TENM1: variants seen among roughly 807,000 people sequenced by gnomAD.
The protein encoded by TENM1 is teneurin transmembrane protein 1.
TENM1 carries 35 observed loss-of-function variants against 174.8 expected under a neutral mutation model. The ratio of observed to expected loss-of-function variants is 0.20; its 90% CI spans 0.15 to 0.27. The LOEUF (loss-of-function observed/expected upper bound fraction) is 0.27. Among genes scored for constraint, TENM1 ranks in the 10% least tolerant of loss-of-function variants. The pLI is 1.00. For synonymous variants in TENM1, 781 were observed against 798.7 expected, an observed-to-expected ratio of 0.98 and a Z score of 0.37; for missense variants, 1,633 against 2,130.1, an observed-to-expected ratio of 0.77 and a Z score of 4.59.
chrX:125,036,796 G>T, the TENM1 span, among the ~76,000 whole-genome samples: 3,715 of 111,270 alleles, frequency 0.033, 172 homozygotes, highest in African/African-American at 0.12. Flanking sequence ...AAAAGTGACT[G>T]CTTCAGTAGT....
chrX:124,438,689 CT>C (rs960676990), intron 23 of TENM1, among the ~76,000 whole-genome samples: 4 of 111,704 alleles, frequency 3.6e-5, no homozygotes, highest in African/African-American at 1.3e-4. Context: ...TGGCTATTTG[CT>C]TGTGTGCAGA....
At chrX:124,556,769 T>C (rs2048705225) in intron 14 of TENM1, among the ~76,000 whole-genome samples, 1 of 111,832 alleles carries the variant, frequency 8.9e-6, no homozygotes, top group Non-Finnish European at 1.9e-5. Context: ...GATGGACTCA[T>C]CCCTTACAAA....
At chrX:124,669,210 A>G (rs1217423169) in intron 6 of TENM1, among the ~76,000 whole-genome samples, 4 of 111,799 alleles carry the variant, frequency 3.6e-5, no homozygotes, top group Non-Finnish European at 7.5e-5. Flanking sequence ...TATTTTACAG[A>G]TGAGGGCACT....
At chrX:124,831,784 G>A (rs2056293832) in intron 3 of TENM1, among the ~76,000 whole-genome samples, 1 of 110,729 alleles carries the variant, frequency 9.0e-6, no homozygotes, top group African/African-American at 3.3e-5. Context: ...TGAGTATAGT[G>A]TGGACAAAAA....
At chrX:125,196,013 CGAAGGAAGGAAGGAAG>C in the TENM1 span, among the ~76,000 whole-genome samples, 1 of 90,696 alleles carries the variant, frequency 1.1e-5, no homozygotes, top group South Asian at 5.3e-4. Context: ...AAAGAAGGAA[CGAAGGAAGGAAGGAAG>C]GAAGGAAGGA....
At chrX:124,872,468 A>G (rs891900159) in intron 3 of TENM1, among the ~76,000 whole-genome samples, 9 of 112,096 alleles carry the variant, frequency 8.0e-5, no homozygotes, top group African/African-American at 2.6e-4. Flanking sequence ...AAACATCAAA[A>G]TAAATGAAAA....
chrX:124,609,063 C>A (rs191332696), intron 11 of TENM1, among the ~76,000 whole-genome samples: 4 of 110,960 alleles, frequency 3.6e-5, no homozygotes, highest in Non-Finnish European at 5.7e-5. Context: ...ATTACTCATT[C>A]ACCATTGGGT....
At chrX:124,388,190 C>T (rs940952327) in intron 28 of TENM1, among the ~76,000 whole-genome samples, 1 of 111,447 alleles carries the variant, frequency 9.0e-6, no homozygotes, top group East Asian at 2.8e-4. Flanking sequence ...ACCATATGGC[C>T]CCCACACATT....
chrX:124,398,668 A>G (rs1293238902), intron 27 of TENM1, among the ~76,000 whole-genome samples: 1 of 109,345 alleles, frequency 9.1e-6, no homozygotes, highest in Non-Finnish European at 1.9e-5. Flanking sequence ...GTGCTTTATT[A>G]TTTTAAAATC....
chrX:124,431,824 C>T (rs1279719327), intron 23 of TENM1, among the ~76,000 whole-genome samples: 1 of 112,109 alleles, frequency 8.9e-6, no homozygotes, highest in African/African-American at 3.2e-5. Flanking sequence ...TGTCTCTCTG[C>T]ATAATGGCTG....
the TENM1 span, among the ~76,000 whole-genome samples, chrX:124,999,977 T>C: frequency 9.0e-6 from 1 of 111,295 alleles, no homozygotes; most frequent in Non-Finnish European, 1.9e-5. Flanking sequence ...TGCACGACAT[T>C]CTTTTTAACA....
chrX:124,543,328 T>A (rs2148111243), intron 15 of TENM1, among the ~76,000 whole-genome samples: 1 of 112,613 alleles, frequency 8.9e-6, no homozygotes, highest in South Asian at 3.7e-4. Context: ...TTAAGCAACC[T>A]CTGATATGGA....
At chrX:125,015,827 C>T in the TENM1 span, among the ~76,000 whole-genome samples, 1 of 111,556 alleles carries the variant, frequency 9.0e-6, no homozygotes, top group Non-Finnish European at 1.9e-5. Context: ...CGTGCAACCA[C>T]ATAGAATTAT....
intron 3 of TENM1, among the ~76,000 whole-genome samples, chrX:124,860,077 A>T (rs989875840): frequency 8.9e-6 from 1 of 111,937 alleles, no homozygotes; most frequent in Non-Finnish European, 1.9e-5. Context: ...ACAAGCAAAA[A>T]TCTCGAGTTA....
At chrX:124,531,125 C>A (rs190329852) in intron 15 of TENM1, among the ~76,000 whole-genome samples, 259 of 98,045 alleles carry the variant, frequency 2.6e-3, no homozygotes, top group Non-Finnish European at 3.9e-3. Flanking sequence ...ATCAATACCA[C>A]CTTTTTTTTT....
At chrX:124,893,273 C>T (rs188307245) in intron 3 of TENM1, among the ~76,000 whole-genome samples, 11 of 112,311 alleles carry the variant, frequency 9.8e-5, no homozygotes, top group Non-Finnish European at 1.7e-4. Context: ...TTACATATTG[C>T]ATACACACAT....
At chrX:124,795,920 G>T (rs1284604820) in intron 3 of TENM1, among the ~76,000 whole-genome samples, 1 of 110,701 alleles carries the variant, frequency 9.0e-6, no homozygotes, top group African/African-American at 3.3e-5. Context: ...TTGATTATAG[G>T]CACTTTCCTT....
intron 5 of TENM1, among the ~76,000 whole-genome samples, chrX:124,675,195 G>A (rs1047553819): frequency 4.5e-5 from 5 of 111,638 alleles, no homozygotes; most frequent in Middle Eastern, 4.7e-3. Context: ...ATATGTTTGT[G>A]TGAATATATA....
intron 27 of TENM1, 94 bp downstream of exon 30, chrX:124,404,937 G>T (rs1428483090): frequency 3.7e-6 from 3 of 805,576 alleles, no homozygotes; most frequent in Non-Finnish European, 5.5e-6. Context: ...CTTCAGTTTA[G>T]GGAGGCTCTG....
Sources: allele counts gnomAD v4.1 joint callset (sites outside exome capture counted in the v4.1 genomes callset), GRCh38; gene constraint gnomAD v4.1.1; transcripts MANE v1.5; gene names NCBI Gene and HGNC (gene_info 2026-07-23, HGNC 2026-07-21).